ITIH1: variants seen among roughly 807,000 people sequenced by gnomAD.
The protein encoded by ITIH1 is inter-alpha-trypsin inhibitor heavy chain 1, also known as inter-alpha-trypsin inhibitor heavy chain H1.
Under a neutral mutation model 104.6 loss-of-function variants are expected in ITIH1, and 94 were observed. That is an observed-to-expected ratio of 0.90 (90% confidence interval 0.76 to 1.07). The LOEUF (loss-of-function observed/expected upper bound fraction) is 1.07, where lower values mean the gene tolerates loss of function less well. Among genes scored for constraint, ITIH1 ranks in the 50% least tolerant of loss-of-function variants. ITIH1 has a pLI of 0.00. For synonymous variants in ITIH1, 455 were observed against 464.4 expected (o/e 0.98, Z 0.26); for missense variants, 1,193 against 1,181.4 (o/e 1.01, Z -0.14).
rs544131216 is a variant in ITIH1 at position 52,778,235 on chromosome 3, T to C, written c.139-105T>C. 6 of 1,236,422 alleles carry C rather than the reference T, an allele frequency of 4.9e-6. No individual in the cohort carries two copies. In the African/African-American group the frequency reaches 7.4e-5, roughly 15 times the overall value. The allele number at this position is 1,236,422 out of a possible 1,614,324, so 76.6% of individuals were successfully genotyped here. On this transcript the variant is annotated intron_variant, in intron 2 of 21. Transcript: ENST00000273283. ...TCCTGCGGTCTGTTCTTCCTGCATCTGGGCACCATGCACTGGGGCTAAGTG... is the reference window on the plus strand; with the variant it reads ...TCCTGCGGTCTGTTCTTCCTGCATCCGGGCACCATGCACTGGGGCTAAGTG...
chr3:52,792,036 C>A lies in ITIH1; in HGVS notation c.*125C>A. 2 of 1,132,414 alleles carry A rather than the reference C, an allele frequency of 1.8e-6. No homozygotes were observed. The highest frequency in any genetic ancestry group is 2.4e-5 in the East Asian group (1 of 41,022). 70.1% of individuals were successfully genotyped at this position (1,132,414 alleles called of 1,614,324 possible). ...GTTCCTTGTGTCAAAGCACCTCATGCCTTCCATTAAAGAGAGGCCGTGTCC... is the reference window on the plus strand; with the variant it reads ...GTTCCTTGTGTCAAAGCACCTCATGACTTCCATTAAAGAGAGGCCGTGTCC... On this transcript the variant is annotated 3_prime_UTR_variant, in exon 22 of 22. Transcript: ENST00000273283.
At position 52,782,140 on chromosome 3, in the gene ITIH1, C is replaced by T; in HGVS notation, c.814-11C>T. The T allele has an allele frequency of 6.2e-7, 1 of 1,614,170 alleles. No individual in the cohort carries two copies. Among genetic ancestry groups the T allele is most frequent in the Non-Finnish European group, 8.5e-7 (1 of 1,180,004 alleles). On this transcript the variant is annotated splice_polypyrimidine_tract_variant and intron_variant, in intron 7 of 21. Coordinates refer to ENST00000273283, the MANE Select transcript of ITIH1 (RefSeq NM_002215.4). Reference sequence around the variant, plus strand: ...TGTGAGAGTGGCCTCACTCGTTCTCCTCTATTTCAGGTGGCCAATAACCAC... The same window carrying T: ...TGTGAGAGTGGCCTCACTCGTTCTCTTCTATTTCAGGTGGCCAATAACCAC...
rs1175066044 is a variant in ITIH1 at position 52,785,036 on chromosome 3, C to T, written c.1408-8C>T. ...TCAGCTCTAAGGCTGCAACCTCTAT[C>T]CCTGCAGGGTTTCTACAGCCAGGTA... On this transcript the variant is annotated splice_polypyrimidine_tract_variant and splice_region_variant and intron_variant, in intron 11 of 21. Coordinates refer to ENST00000273283, the MANE Select transcript of ITIH1 (RefSeq NM_002215.4). 1.9e-6 allele frequency: 3 copies of T among 1,613,704 alleles called. No homozygotes were observed. The highest frequency in any genetic ancestry group is 1.7e-6 in the Non-Finnish European group (2 of 1,179,830).
rs191387740 is a variant in ITIH1, at chr3:52,779,902, C to T, written c.573+308C>T. The T allele has an allele frequency of 5.9e-4, 821 of 1,381,192 alleles. 3 individuals are homozygous for T. The highest frequency in any genetic ancestry group is 1.7e-3 in the East Asian group (60 of 34,900). The allele number at this position is 1,381,192 out of a possible 1,614,324, so 85.6% of individuals were successfully genotyped here. On this transcript the variant is annotated intron_variant, in intron 5 of 21. Transcript: ENST00000273283. The surrounding 1 kb of genome is among the most constrained non-coding windows in gnomAD (Gnocchi z 4.4). ...GGTAATTTTGTAAACTAGAAAGTCC[C>T]GCGCAGCCTGAGGGCCTGGAATTAT... is the stretch of plus-strand genomic sequence containing the variant.
chr3:52,784,903 A>T (rs980194762), intron 11 of ITIH1, 141 bp from the exon 12 acceptor site: 1 of 735,642 alleles, frequency 1.4e-6, no homozygotes, highest in Non-Finnish European at 2.2e-6. Context: ...CAGCAGCATG[A>T]CCTCGAGCCA....
At chr3:52,791,040 T>A (rs1328370410) in intron 20 of ITIH1, 119 bp downstream of exon 20, 4 of 1,053,000 alleles carry the variant, frequency 3.8e-6, no homozygotes, top group Non-Finnish European at 5.4e-6. Context: ...ACCTCCAGTG[T>A]GGCCTCCAAG....
intron 6 of ITIH1, among the ~76,000 whole-genome samples, chr3:52,781,722 A>G (rs192890755): frequency 3.9e-5 from 6 of 152,300 alleles, no homozygotes; most frequent in East Asian, 3.9e-4. Flanking sequence ...GAAAATCCCA[A>G]TGATTCAGAA....
chr3:52,781,089 TGG>T (rs1699020641), intron 6 of ITIH1, among the ~76,000 whole-genome samples: 1 of 152,234 alleles, frequency 6.6e-6, no homozygotes, highest in African/African-American at 2.4e-5. Context: ...TTGCTTTCTG[TGG>T]GGGAACAAAG....
In ITIH1 at chr3:52,782,855, G is replaced by T. The variant is rs1055988410; in HGVS notation, c.931-102G>T. 9.4e-6 allele frequency: 11 copies of T among 1,170,310 alleles called. No homozygotes were observed. The East Asian group carries it at 2.6e-4, about 27-fold the overall frequency. The allele number at this position is 1,170,310 out of a possible 1,614,324, so 72.5% of individuals were successfully genotyped here. On this transcript the variant is annotated intron_variant, in intron 8 of 21. Coordinates refer to ENST00000273283, the MANE Select transcript of ITIH1 (RefSeq NM_002215.4). ...CTGGTTGTCCTATCTCCTCCTGCTT[G>T]TCCACCCTGTGGATCTCTGAAATGG...
chr3:52,786,879 T>A, intron 13 of ITIH1, 66 bp from the exon 14 acceptor site: 2 of 1,481,052 alleles, frequency 1.4e-6, no homozygotes, highest in Non-Finnish European at 1.8e-6. Context: ...AATAAGTGAA[T>A]GGATAGGTGA....
At position 52,786,421 on chromosome 3, in the gene ITIH1, C is replaced by A; in HGVS notation, c.1720C>A (p.Leu574Met). The change falls in exon 13 of 22, where the codon CTG becomes ATG. Residue 574 changes from leucine (L) to methionine (M), a missense_variant. By Grantham distance (15) the Leu-to-Met change is conservative. Transcript: ENST00000273283. ...CTGGGCCTACCTCACCATCCAGGAG[C>A]TGCTGGCCAAGCGGTAGGGCACCTG... The part of the protein sequence containing the change: ...RLWAYLTIQE[L>M]LAKRMKVDRE... 6.3e-7 allele frequency: 1 copy of A among 1,584,514 alleles called. No individual in the cohort carries two copies. The highest frequency in any genetic ancestry group is 1.8e-5 in the Admixed American group (1 of 56,360).
At chr3:52,790,980 G>A (rs1699341719) in intron 20 of ITIH1, 59 bp downstream of exon 20, 1 of 1,517,826 alleles carries the variant, frequency 6.6e-7, no homozygotes, top group African/African-American at 1.4e-5. Flanking sequence ...GAGGACATGT[G>A]GGACCTGGGG....
chr3:52,780,014 C>A, intron 5 of ITIH1: 1 of 1,362,864 alleles, frequency 7.3e-7, no homozygotes, highest in Non-Finnish European at 9.6e-7. Flanking sequence ...CTACTGAGTA[C>A]CAGGCCCTGT....
rs141663768 is a variant in ITIH1 at position 52,786,355 on chromosome 3, C to T, written c.1654C>T (p.Arg552Ter). The T allele has an allele frequency of 7.0e-5, 111 of 1,577,020 alleles. 1 individual carries two copies. In the Admixed American group the frequency reaches 1.1e-3, roughly 16 times the overall value. The change falls in exon 13 of 22, where the codon CGA (arginine) becomes TGA (stop). Residue 552 changes from arginine to a stop codon, truncating the protein, a stop_gained. Coordinates refer to ENST00000273283, the MANE Select transcript of ITIH1 (RefSeq NM_002215.4). LOFTEE classifies it high-confidence loss of function. ...TGAGGAGGAGATGAAGAAACTGCTC[C>T]GAGAGCGTGGCCACATGCTGGAGAA... is the stretch of plus-strand genomic sequence containing the variant. ...VDEEEMKKLLRERGHMLENHV... is the reference protein window; with the variant it reads ...VDEEEMKKLL
chr3:52,786,885 G>C, intron 13 of ITIH1, 60 bp from the exon 14 acceptor site: 6 of 1,511,950 alleles, frequency 4.0e-6, no homozygotes, highest in Non-Finnish European at 5.4e-6. Flanking sequence ...TGAATGGATA[G>C]GTGAAAGGAT....
At chr3:52,778,227 C>T in intron 2 of ITIH1, 113 bp from the exon 3 acceptor site, 1 of 1,203,362 alleles carries the variant, frequency 8.3e-7, no homozygotes, top group Non-Finnish European at 1.2e-6. Context: ...GTCTGTTCTT[C>T]CTGCATCTGG....
At position 52,790,408 on chromosome 3, in the gene ITIH1, A is replaced by G. The variant is rs1489248203; in HGVS notation, c.2322-341A>G. 4 of 311,808 alleles carry G rather than the reference A, an allele frequency of 1.3e-5. No homozygotes were observed. In the East Asian group the frequency reaches 2.9e-4, roughly 23 times the overall value. The allele number at this position is 311,808 out of a possible 1,614,324, so 19.3% of individuals were successfully genotyped here. A position where few individuals can be genotyped will look rare whatever the true frequency, so the allele number is the denominator to read the frequency against. On this transcript the variant is annotated intron_variant, in intron 19 of 21. Coordinates refer to ENST00000273283, the MANE Select transcript of ITIH1 (RefSeq NM_002215.4). Reference sequence around the variant, plus strand: ...TGGGAGTCACAGAACACGGACTCTGATATTAGACAGCCTGAAGTCCAAGTC... The same window carrying G: ...TGGGAGTCACAGAACACGGACTCTGGTATTAGACAGCCTGAAGTCCAAGTC...
Position 52,783,021 on chromosome 3 carries a change from T to C in ITIH1, c.995T>C (p.Leu332Pro), listed in dbSNP as rs775371875. Residue 332 changes from leucine (L) to proline (P), a missense_variant, in exon 9 of 22, where the codon CTT becomes CCT. Transcript: ENST00000273283. ...MQPGDYFDLV[L>P]FGTRVQSWKG... The stretch of plus-strand genomic sequence containing the variant: ...CCAGGGGACTACTTTGACCTGGTTC[T>C]TTTTGGGACTCGAGTACAATCGTGG... 1 of 1,614,088 alleles carries C rather than the reference T, an allele frequency of 6.2e-7. No individual in the cohort carries two copies. Among genetic ancestry groups the C allele is most frequent in the Non-Finnish European group, 8.5e-7 (1 of 1,179,990 alleles).
intron 1 of ITIH1, 62 bp downstream of exon 1, chr3:52,777,794 G>A (rs1698942782): frequency 4.8e-6 from 7 of 1,464,326 alleles, no homozygotes; most frequent in Non-Finnish European, 6.6e-6. Flanking sequence ...CCCCGGGCGG[G>A]ACACAAGACC....
Sources: gnomAD v4.1 joint callset for allele counts (sites outside exome capture counted in the v4.1 genomes callset) on GRCh38, gnomAD v4.1.1 for gene constraint, Gnocchi (gnomAD v3.1) non-coding constraint, MANE v1.5 for transcripts, NCBI Gene and HGNC (gene_info 2026-07-23, HGNC 2026-07-21) for gene names.